The following PKD1 variants were observed in gnomAD, a reference collection of about 807,000 sequenced individuals.
The protein encoded by PKD1 is polycystin-1.
In PKD1, 81 loss-of-function variants were observed where a neutral mutation model predicts 361.7. The observed-to-expected ratio is 0.22, with a 90% CI of 0.19 to 0.27. PKD1 has a LOEUF of 0.27. Among genes scored for constraint, PKD1 ranks in the 10% least tolerant of loss-of-function variants. The pLI is 1.00. For synonymous variants in PKD1, 3,615 were observed against 2,818.3 expected (o/e 1.28, Z -8.95); for missense variants, 6,399 against 6,118.3 (o/e 1.05, Z -1.53).
Position 2,105,423 on chromosome 16 carries a change from G to T in PKD1, c.7915C>A (p.Arg2639=), listed in dbSNP as rs750913623. The T allele has an allele frequency of 2.5e-6, 4 of 1,585,120 alleles. No homozygotes were observed. The highest frequency in any genetic ancestry group is 1.1e-5 in the South Asian group (1 of 90,950). ...GTGATGTTCTTGCGTATCTGGGCTCGGTGCTGCCGCTCGTGCTTGGGCTCT... is the reference window on the plus strand; with the variant it reads ...GTGATGTTCTTGCGTATCTGGGCTCTGTGCTGCCGCTCGTGCTTGGGCTCT... The part of the protein sequence containing the change: ...AAEPKHERQH[R]AQIRKNITET... The change falls in exon 21 of 46, where the codon CGA becomes AGA. Residue 2639 remains arginine, a synonymous_variant. Transcript: ENST00000262304.
chr16:2,096,323 C>T (rs545792231), intron 34 of PKD1, among the ~76,000 whole-genome samples: 36 of 152,372 alleles, frequency 2.4e-4, no homozygotes, highest in South Asian at 2.3e-3. Flanking sequence ...TGCAGTGCAA[C>T]GGCAGGGCCG....
Position 2,091,019 on chromosome 16 carries a change from C to T in PKD1, c.11868G>A (p.Leu3956=), listed in dbSNP as rs749371756. 2 of 1,533,020 alleles carry T rather than the reference C, an allele frequency of 1.3e-6. No homozygotes were observed. Among genetic ancestry groups the T allele is most frequent in the Non-Finnish European group, 8.7e-7 (1 of 1,145,330 alleles). 95.0% of individuals were successfully genotyped at this position (1,533,020 alleles called of 1,614,324 possible). ...AATALVRLAQ[L]GAADRQWTRF... ...GGGTCCACTGGCGGTCAGCGGCACC[C>T]AGCTGGGCGAGGCGTACCAGTGCCG... is the stretch of plus-strand genomic sequence containing the variant. Residue 3956 remains leucine (L), a synonymous_variant, in exon 43 of 46, where the codon CTG becomes CTA. Transcript: ENST00000262304.
At position 2,094,138 on chromosome 16, in the gene PKD1, T is replaced by C. The variant is rs2091738039; in HGVS notation, c.10572A>G (p.Pro3524=). 9 of 1,597,500 alleles carry C rather than the reference T, an allele frequency of 5.6e-6. No individual in the cohort carries two copies. The highest frequency in any genetic ancestry group is 5.1e-6 in the Non-Finnish European group (6 of 1,172,250). ...CCTGGGGCTGTTCCCAGTTCAGGCC[T>C]GGGCTGGGTGGCCCCAGCTCCCCCA... ...QRLGELGPPS[P]GLNWEQPQAA... Residue 3524 remains proline, a synonymous_variant, in exon 35 of 46, where the codon CCA becomes CCG. Transcript: ENST00000262304.
chr16:2,096,529 T>TC (rs1280977420), intron 34 of PKD1, among the ~76,000 whole-genome samples: 36 of 152,304 alleles, frequency 2.4e-4, no homozygotes, highest in Admixed American at 2.3e-3. Flanking sequence ...ATTTTTTTGT[T>TC]TTTGAGACGG....
At position 2,110,166 on chromosome 16, in the gene PKD1, A is replaced by G. The variant is rs2092462896; in HGVS notation, c.5001T>C (p.Thr1667=). Residue 1667 remains threonine (T), a synonymous_variant, in exon 15 of 46, where the codon ACT becomes ACC. Transcript: ENST00000262304. ...RDGTNVSYSW[T]AWRDRGPALA... ...GGGCCGGGCCCCTGTCCCTCCAGGC[A>G]GTCCAGCTGTAGGAGACGTTGGTGC... The G allele has an allele frequency of 6.2e-7, 1 of 1,610,570 alleles. No homozygotes were observed. Among genetic ancestry groups the G allele is most frequent in the Non-Finnish European group, 8.5e-7 (1 of 1,179,740 alleles).
At chr16:2,133,458 G>C (rs888740658) in intron 1 of PKD1, among the ~76,000 whole-genome samples, 2 of 146,008 alleles carry the variant, frequency 1.4e-5, no homozygotes, top group South Asian at 2.1e-4. Flanking sequence ...TTGGACCCTT[G>C]AACACCTGCC....
rs2092676856 is a variant in PKD1 at position 2,118,579 on chromosome 16, C to G, written c.529+97G>C. ...GCTGTTCCCTTGGCCCGGAGGCCCC[C>G]CCCAGAGAGGCCTTCCTGAGCCCTG... On this transcript the variant is annotated intron_variant, in intron 4 of 45. Coordinates refer to ENST00000262304, the MANE Select transcript of PKD1 (RefSeq NM_001009944.3). This position sits in a 1 kb window ranked among gnomAD's most constrained non-coding sequence, Gnocchi z 6.0. 1 of 825,200 alleles carries G rather than the reference C, an allele frequency of 1.2e-6. No individual in the cohort carries two copies. Among genetic ancestry groups the G allele is most frequent in the Non-Finnish European group, 2.0e-6 (1 of 501,282 alleles). The allele number at this position is 825,200 out of a possible 1,614,324, so 51.1% of individuals were successfully genotyped here.
In PKD1 at chr16:2,114,259, G is replaced by A; in HGVS notation, c.2764C>T (p.Leu922Phe). 2.5e-6 allele frequency: 4 copies of A among 1,610,362 alleles called. No individual in the cohort carries two copies. Among genetic ancestry groups the A allele is most frequent in the Non-Finnish European group, 2.5e-6 (3 of 1,179,610 alleles). Residue 922 changes from leucine (L) to phenylalanine (F), a missense_variant, in exon 11 of 46, where the codon CTC (leucine) becomes TTC (phenylalanine). Transcript: ENST00000262304. ...TCCTCCGCCGTCACCCGCAGGCTGA[G>A]GTTGGCCCGGCTGGCGCTGTTTTCC... Reference protein sequence around the residue: ...VVENSASRANLSLRVTAEEPI... With the variant: ...VVENSASRANFSLRVTAEEPI...
At chr16:2,123,262 G>A (rs1264825765) in intron 1 of PKD1, among the ~76,000 whole-genome samples, 3 of 152,052 alleles carry the variant, frequency 2.0e-5, no homozygotes, top group South Asian at 4.2e-4. Context: ...CCGCTCGGCC[G>A]AGCTCCCAGG....
rs2091243448 is a variant in PKD1, at chr16:2,088,717, G to C, written c.*1010C>G. ...GACATAGAGGCACAGATTGCAGTCAGACAGCTCTTTTATTGACTTTGTCTG... is the reference window on the plus strand; with the variant it reads ...GACATAGAGGCACAGATTGCAGTCACACAGCTCTTTTATTGACTTTGTCTG... On this transcript the variant is annotated 3_prime_UTR_variant, in exon 46 of 46. Coordinates refer to ENST00000262304, the MANE Select transcript of PKD1 (RefSeq NM_001009944.3). 1.6e-5 allele frequency: 23 copies of C among 1,429,746 alleles called. No homozygotes were observed. The South Asian group carries it at 2.4e-4, about 15-fold the overall frequency. The allele number at this position is 1,429,746 out of a possible 1,614,324, so 88.6% of individuals were successfully genotyped here.
In PKD1 at chr16:2,088,777, A is replaced by G. The variant is rs994478294; in HGVS notation, c.*950T>C. 2.1e-6 allele frequency: 2 copies of G among 944,802 alleles called. No homozygotes were observed. Among genetic ancestry groups the G allele is most frequent in the African/African-American group, 1.7e-5 (1 of 60,060 alleles). The allele number at this position is 944,802 out of a possible 1,614,324, so 58.5% of individuals were successfully genotyped here. A position where few individuals can be genotyped will look rare whatever the true frequency, so the allele number is the denominator to read the frequency against. On this transcript the variant is annotated 3_prime_UTR_variant, in exon 46 of 46. Coordinates refer to ENST00000262304, the MANE Select transcript of PKD1 (RefSeq NM_001009944.3). Reference sequence around the variant, plus strand: ...GGGGTTGGGGGGGTGTCGAGGCTCTAGAAGCGGCCATGCCCACAGAAGTGG... The same window carrying G: ...GGGGTTGGGGGGGTGTCGAGGCTCTGGAAGCGGCCATGCCCACAGAAGTGG...
rs1335902755 is a variant in PKD1, at chr16:2,090,135, G to A, written c.12504C>T (p.Gly4168=). Residue 4168 remains glycine (G), a synonymous_variant, in exon 46 of 46, where the codon GGC becomes GGT. Transcript: ENST00000262304. Reference sequence around the variant, plus strand: ...GGGGCACATCCGGGGATACCTTGGAGCCCCTGGAGGAGCGAGAGGGCAGCG... The same window carrying A: ...GGGGCACATCCGGGGATACCTTGGAACCCCTGGAGGAGCGAGAGGGCAGCG... ...MEPLPSRSSR[G]SKVSPDVPPP... 37 of 1,595,852 alleles carry A rather than the reference G, an allele frequency of 2.3e-5. No homozygotes were observed. Among genetic ancestry groups the A allele is most frequent in the Non-Finnish European group, 2.6e-5 (31 of 1,169,926 alleles).
rs546588165 is a variant in PKD1 at position 2,108,573 on chromosome 16, C to A, written c.6594G>T (p.Pro2198=). 1 of 1,564,948 alleles carries A rather than the reference C, an allele frequency of 6.4e-7. No individual in the cohort carries two copies. The highest frequency in any genetic ancestry group is 8.7e-7 in the Non-Finnish European group (1 of 1,154,990). Residue 2198 remains proline (P), a synonymous_variant, in exon 15 of 46, where the codon CCG becomes CCT. Coordinates refer to ENST00000262304, the MANE Select transcript of PKD1 (RefSeq NM_001009944.3). The part of the protein sequence containing the change: ...EVYRTASCQR[P]GRPARVALPG... Reference sequence around the variant, plus strand: ...GCAGGGCCACACGCGCTGGGCGCCCCGGCCGCTGGCAGCTGGCGGTGCGAT... The same window carrying A: ...GCAGGGCCACACGCGCTGGGCGCCCAGGCCGCTGGCAGCTGGCGGTGCGAT...
In PKD1 at chr16:2,108,943, C is replaced by T. The variant is rs200930978; in HGVS notation, c.6224G>A (p.Arg2075His). Reference protein sequence around the residue: ...ALQSGPCFTNRSAQFEAATSP... With the variant: ...ALQSGPCFTNHSAQFEAATSP... ...GGTGGCGGCCTCAAACTGCGCCGAGCGGTTGGTGAAGCAGGGGCCGCTCTG... is the reference window on the plus strand; with the variant it reads ...GGTGGCGGCCTCAAACTGCGCCGAGTGGTTGGTGAAGCAGGGGCCGCTCTG... The change falls in exon 15 of 46, where the codon CGC (arginine) becomes CAC (histidine). Residue 2075 changes from arginine to histidine, a missense_variant. By Grantham distance (29) the Arg-to-His change is conservative (BLOSUM62 0). Transcript: ENST00000262304. 532 of 1,604,920 alleles carry T rather than the reference C, an allele frequency of 3.3e-4. No homozygotes were observed. Among genetic ancestry groups the T allele is most frequent in the Non-Finnish European group, 4.2e-4 (489 of 1,177,348 alleles).
Position 2,108,442 on chromosome 16 carries a change from G to A in PKD1, c.6725C>T (p.Thr2242Ile), listed in dbSNP as rs779027896. 5.0e-6 allele frequency: 8 copies of A among 1,610,552 alleles called. No homozygotes were observed. Among genetic ancestry groups the A allele is most frequent in the Non-Finnish European group, 5.9e-6 (7 of 1,179,728 alleles). ...FVVSFGDTPL[T>I]QSIQANVTVA... ...CGTCACATTGGCCTGGATGCTCTGT[G>A]TCAGTGGCGTGTCCCCAAATGACAC... Residue 2242 changes from threonine to isoleucine, a missense_variant, in exon 15 of 46, where the codon ACA (threonine) becomes ATA (isoleucine). Coordinates refer to ENST00000262304, the MANE Select transcript of PKD1 (RefSeq NM_001009944.3).
intron 42 of PKD1, 104 bp downstream of exon 42, chr16:2,091,319 G>GGGGCGGGGCGCTGCGA (rs2091549903): frequency 1.7e-5 from 6 of 349,784 alleles, no homozygotes; most frequent in Non-Finnish European, 1.8e-5. Flanking sequence ...ACGCTGCGAG[G>GGGGCGGGGCGCTGCGA]GGGCGGGGCG....
Position 2,091,924 on chromosome 16 carries a change from C to T in PKD1, c.11412-18G>A, listed in dbSNP as rs768468097. 3 of 1,611,446 alleles carry T rather than the reference C, an allele frequency of 1.9e-6. No homozygotes were observed. The highest frequency in any genetic ancestry group is 2.2e-5 in the South Asian group (2 of 91,052). On this transcript the variant is annotated intron_variant, in intron 40 of 45. Coordinates refer to ENST00000262304, the MANE Select transcript of PKD1 (RefSeq NM_001009944.3). ...ACCATGCCCTGCCGGAGAGGGGTGG[C>T]GTGGGTGCCGCACCCCAGCCCTTCC...
rs750876903 is a variant in PKD1, at chr16:2,106,939, G to A, written c.7075C>T (p.Arg2359Trp). The A allele has an allele frequency of 8.2e-6, 13 of 1,584,924 alleles. No individual in the cohort carries two copies. Among genetic ancestry groups the A allele is most frequent in the South Asian group, 3.3e-5 (3 of 90,800 alleles). Residue 2359 changes from arginine (R) to tryptophan (W), a missense_variant, in exon 17 of 46, where the codon CGG becomes TGG. Transcript: ENST00000262304. The surrounding 1 kb of genome is among the most constrained non-coding windows in gnomAD (Gnocchi z 6.5). Reference protein sequence around the residue: ...EEATNQTVLIRSGRVPIVSLE... With the variant: ...EEATNQTVLIWSGRVPIVSLE... Reference sequence around the variant, plus strand: ...GACACAATGGGCACCCGGCCACTCCGGATCAGCACCTGGCGTGGGAGTGGG... The same window carrying A: ...GACACAATGGGCACCCGGCCACTCCAGATCAGCACCTGGCGTGGGAGTGGG...
chr16:2,101,620 A>C (rs1472480948), intron 26 of PKD1, among the ~76,000 whole-genome samples: 1 of 152,246 alleles, frequency 6.6e-6, no homozygotes, highest in Non-Finnish European at 1.5e-5. Flanking sequence ...TCCGTCTCTA[A>C]AAAAAGAAAA....
Sources: allele counts gnomAD v4.1 joint callset (sites outside exome capture counted in the v4.1 genomes callset), GRCh38; gene constraint gnomAD v4.1.1; non-coding constraint Gnocchi (gnomAD v3.1); transcripts MANE v1.5; gene names NCBI Gene and HGNC (gene_info 2026-07-23, HGNC 2026-07-21).